HDAC9: variants seen among roughly 807,000 people sequenced by gnomAD.
HDAC9 encodes MEF-2 interacting transcription repressor (MITR) protein.
HDAC9 carries 41 observed loss-of-function variants against 139.4 expected under a neutral mutation model. The observed-to-expected ratio is 0.29, with a 90% confidence interval of 0.23 to 0.38. HDAC9 has a LOEUF of 0.38. HDAC9 is among the 10% of genes least tolerant of loss of function. The pLI, the probability that HDAC9 is intolerant of heterozygous loss-of-function variation, is 1.00. For missense variants in HDAC9, 1,147 were observed against 1,297.0 expected (o/e 0.88, Z 1.78); for synonymous variants, 517 against 476.2 (o/e 1.09, Z -1.12).
intron 12 of HDAC9, among the ~76,000 whole-genome samples, chr7:18,723,134 C>G (rs1785263562): frequency 6.6e-6 from 1 of 151,882 alleles, no homozygotes; most frequent in Admixed American, 6.6e-5. Flanking sequence ...TTTTCTCAGC[C>G]ATTTCTTGGT....
At chr7:18,124,359 A>G (rs549607563) in intron 1 of HDAC9, among the ~76,000 whole-genome samples, 2 of 152,340 alleles carry the variant, frequency 1.3e-5, no homozygotes, top group South Asian at 2.1e-4. Context: ...TGAAAAAGTC[A>G]TGTGCTTTTC....
chr7:18,669,752 C>T (rs182828474), intron 12 of HDAC9, among the ~76,000 whole-genome samples: 23 of 151,814 alleles, frequency 1.5e-4, no homozygotes, highest in African/African-American at 5.5e-4. Context: ...AGTTTTAAAA[C>T]AAAGCATCAA....
intron 1 of HDAC9, among the ~76,000 whole-genome samples, chr7:18,397,659 T>G (rs1424609678): frequency 6.6e-6 from 1 of 152,180 alleles, no homozygotes; most frequent in Non-Finnish European, 1.5e-5. Context: ...ATGTAATATA[T>G]GGAAAAATTA....
intron 25 of HDAC9, among the ~76,000 whole-genome samples, chr7:18,982,979 T>TA (rs1334537857): frequency 6.6e-6 from 1 of 152,192 alleles, no homozygotes; most frequent in Non-Finnish European, 1.5e-5. Flanking sequence ...ATGTAAAACT[T>TA]ACCGTCTTAA....
rs557432186 is a variant in HDAC9, at chr7:18,750,822, C to A, written c.2043+1684C>A. On this transcript the variant is annotated intron_variant, in intron 14 of 25. Coordinates refer to ENST00000686413, the MANE Select transcript of HDAC9 (RefSeq NM_178425.4). The stretch of plus-strand genomic sequence containing the variant: ...ATTCATGTGAACATTCCTGTCTCAC[C>A]TTTTCATCTGCTCTGCAATTTTTGT... Among the ~76,000 whole-genome samples, 31 of 152,284 alleles carry A rather than the reference C, an allele frequency of 2.0e-4. 1 individual carries two copies. The South Asian group carries it at 3.9e-3, about 19-fold the overall frequency.
At chr7:18,322,435 G>T (rs1800099380) in intron 1 of HDAC9, among the ~76,000 whole-genome samples, 1 of 152,166 alleles carries the variant, frequency 6.6e-6, no homozygotes, top group Non-Finnish European at 1.5e-5. Flanking sequence ...ACCTCCAAGA[G>T]TATAGTTAGA....
At chr7:18,256,069 ACT>A (rs1795222352) in intron 2 of HDAC9, among the ~76,000 whole-genome samples, 1 of 122,748 alleles carries the variant, frequency 8.1e-6, no homozygotes, top group Non-Finnish European at 1.9e-5. Context: ...CATATCTAGG[ACT>A]TTTCTTCTCT....
Position 18,547,258 on chromosome 7 carries a change from C to T in HDAC9, c.23-38023C>T, listed in dbSNP as rs147183671. Among the ~76,000 whole-genome samples the T allele has an allele frequency of 3.4e-3, 515 of 152,080 alleles. 3 individuals are homozygous for T. Among genetic ancestry groups the T allele is most frequent in the African/African-American group, 0.012 (483 of 41,486 alleles). ...ACACTTTCTTTTTTTTTCTTTGAGACGGAGTCTCGCTCTGTTGCCCAGGCT... is the reference window on the plus strand; with the variant it reads ...ACACTTTCTTTTTTTTTCTTTGAGATGGAGTCTCGCTCTGTTGCCCAGGCT... On this transcript the variant is annotated intron_variant, in intron 2 of 25. Transcript: ENST00000686413.
chr7:18,783,849 C>T (rs1364495251), intron 16 of HDAC9, among the ~76,000 whole-genome samples: 1 of 151,938 alleles, frequency 6.6e-6, no homozygotes, highest in Non-Finnish European at 1.5e-5. Flanking sequence ...AGAAAAATTG[C>T]ACCTAAGAAT....
chr7:18,534,977 C>T (rs575625988), intron 2 of HDAC9, among the ~76,000 whole-genome samples: 142 of 152,282 alleles, frequency 9.3e-4, no homozygotes, highest in African/African-American at 3.3e-3. Flanking sequence ...CGCTTGACCA[C>T]TCGTCTTCCT....
intron 2 of HDAC9, among the ~76,000 whole-genome samples, chr7:18,200,119 A>G (rs1791012202): frequency 6.6e-6 from 1 of 152,222 alleles, no homozygotes; most frequent in Admixed American, 6.5e-5. Context: ...CAATTGAACA[A>G]GAAAACAATT....
chr7:18,237,027 T>A (rs1793867399), intron 2 of HDAC9, among the ~76,000 whole-genome samples: 1 of 152,098 alleles, frequency 6.6e-6, no homozygotes, highest in Non-Finnish European at 1.5e-5. Context: ...GCCAGTAGAG[T>A]TAGTCACTCT....
chr7:18,686,668 C>T (rs969973787), intron 12 of HDAC9, among the ~76,000 whole-genome samples: 18 of 151,882 alleles, frequency 1.2e-4, no homozygotes, highest in African/African-American at 3.9e-4. Flanking sequence ...ATAAATTCTT[C>T]ACAAATGGCT....
intron 2 of HDAC9, among the ~76,000 whole-genome samples, chr7:18,581,894 A>G (rs1479311035): frequency 2.0e-5 from 3 of 152,320 alleles, no homozygotes; most frequent in East Asian, 3.9e-4. Context: ...TGAGAAGTCA[A>G]TGTCCACCAA....
intron 2 of HDAC9, among the ~76,000 whole-genome samples, chr7:18,281,127 G>T (rs1048468248): frequency 1.3e-5 from 2 of 152,200 alleles, no homozygotes; most frequent in Non-Finnish European, 2.9e-5. Context: ...AGCTTAGTTT[G>T]TGAGTCTGAG....
intron 1 of HDAC9, among the ~76,000 whole-genome samples, chr7:18,336,399 G>A (rs1028952813): frequency 6.6e-6 from 1 of 151,558 alleles, no homozygotes; most frequent in Admixed American, 6.6e-5. Context: ...CATAAGCAGA[G>A]TTAAGCAAAC....
chr7:18,986,778 G>A (rs1227911852), intron 25 of HDAC9, among the ~76,000 whole-genome samples: 1 of 152,016 alleles, frequency 6.6e-6, no homozygotes, highest in Admixed American at 6.5e-5. Flanking sequence ...CCTTGAAGAG[G>A]TCCTTCACAT....
intron 16 of HDAC9, among the ~76,000 whole-genome samples, chr7:18,777,597 A>G (rs1283973620): frequency 6.6e-6 from 1 of 152,030 alleles, no homozygotes; most frequent in Admixed American, 6.6e-5. Context: ...TATTTTTACT[A>G]TTGACAATCA....
At chr7:18,489,110 A>G (rs1586247992) in intron 1 of HDAC9, among the ~76,000 whole-genome samples, 1 of 152,088 alleles carries the variant, frequency 6.6e-6, no homozygotes, top group African/African-American at 2.4e-5. Flanking sequence ...TAATAGGTTC[A>G]TCTGAAGAAG....
Sources: allele counts gnomAD v4.1 joint callset (sites outside exome capture counted in the v4.1 genomes callset), GRCh38; gene constraint gnomAD v4.1.1; transcripts MANE v1.5; gene names NCBI Gene and HGNC (gene_info 2026-07-23, HGNC 2026-07-21).